The following TSKS variants were observed in gnomAD, a reference collection of about 807,000 sequenced individuals.
The protein encoded by TSKS is testis specific serine kinase substrate.
TSKS carries 27 observed loss-of-function variants against 68.0 expected under a neutral mutation model. The observed-to-expected ratio is 0.40, with a 90% confidence interval of 0.29 to 0.55. TSKS has a LOEUF of 0.55. TSKS is among the 20% of genes least tolerant of loss of function. The probability of loss-of-function intolerance (pLI) is 0.53; values close to 1 mark genes in which losing one functional copy is unlikely to be tolerated. For synonymous variants in TSKS, 331 were observed against 340.4 expected, an observed-to-expected ratio of 0.97 and a Z score of 0.30; for missense variants, 806 against 776.0, an observed-to-expected ratio of 1.04 and a Z score of -0.46.
intron 2 of TSKS, among the ~76,000 whole-genome samples, chr19:49,760,959 A>T (rs1447385462): frequency 6.6e-6 from 1 of 151,462 alleles, no homozygotes; most frequent in Non-Finnish European, 1.5e-5. Flanking sequence ...GTGGTGGCAC[A>T]TGCCTGTAGT....
intron 1 of TSKS, 114 bp downstream of exon 1, chr19:49,762,964 C>G: frequency 7.2e-7 from 1 of 1,388,804 alleles, no homozygotes; most frequent in Non-Finnish European, 9.7e-7. Context: ...TTCCTGCCCC[C>G]GACCTGCTGG....
chr19:49,758,459 C>G (rs2084411440), intron 2 of TSKS, among the ~76,000 whole-genome samples: 1 of 152,236 alleles, frequency 6.6e-6, no homozygotes, highest in Admixed American at 6.5e-5. Context: ...GGTACTTTCT[C>G]AGGCTTCACG....
intron 2 of TSKS, among the ~76,000 whole-genome samples, chr19:49,759,218 C>T (rs961985814): frequency 6.6e-6 from 1 of 151,318 alleles, no homozygotes; most frequent in Admixed American, 6.6e-5. Context: ...TGCCTGTAAT[C>T]CCAGCAGTTT....
At chr19:49,745,890 G>A (rs1217938885) in intron 6 of TSKS, among the ~76,000 whole-genome samples, 1 of 152,028 alleles carries the variant, frequency 6.6e-6, no homozygotes, top group Admixed American at 6.6e-5. Flanking sequence ...GTCGCCTTCC[G>A]GTTAAGATCT....
Position 49,754,631 on chromosome 19 carries a change from G to A in TSKS, c.400-6162C>T, listed in dbSNP as rs147841490. On this transcript the variant is annotated intron_variant, in intron 2 of 10. Coordinates refer to ENST00000246801, the MANE Select transcript of TSKS (RefSeq NM_021733.2). ...AGAAACTGTTCAGGGGTAGGATGGC[G>A]GGGGCAGATTTGGACTTACTAGGCA... 2.0e-4 allele frequency among the ~76,000 whole-genome samples: 30 copies of A among 152,242 alleles called. No homozygotes were observed. In the East Asian group the frequency reaches 5.6e-3, roughly 28 times the overall value.
At chr19:49,756,776 C>G (rs1600199367) in intron 2 of TSKS, among the ~76,000 whole-genome samples, 1 of 152,236 alleles carries the variant, frequency 6.6e-6, no homozygotes, top group East Asian at 1.9e-4. Context: ...TAGAATAAGG[C>G]AGGCTAGTTG....
chr19:49,757,993 C>T (rs1347749631), intron 2 of TSKS, among the ~76,000 whole-genome samples: 6 of 151,090 alleles, frequency 4.0e-5, no homozygotes, highest in Admixed American at 3.3e-4. Context: ...CGAGTTCAAG[C>T]GATTCTCCTG....
At chr19:49,754,535 C>CA (rs1430973076) in intron 2 of TSKS, among the ~76,000 whole-genome samples, 1 of 151,426 alleles carries the variant, frequency 6.6e-6, no homozygotes, top group Non-Finnish European at 1.5e-5. Flanking sequence ...CAGTTTTCAA[C>CA]AAAAAAGTTA....
chr19:49,754,476 G>A (rs2084377615), intron 2 of TSKS, among the ~76,000 whole-genome samples: 1 of 151,482 alleles, frequency 6.6e-6, no homozygotes, highest in Admixed American at 6.6e-5. Context: ...TCAAGCCCGG[G>A]TGATAGAGTG....
rs1158188172 is a variant in TSKS at position 49,748,184 on chromosome 19, A to T, written c.496-16T>A. On this transcript the variant is annotated splice_polypyrimidine_tract_variant and intron_variant, in intron 3 of 10. Transcript: ENST00000246801. The stretch of plus-strand genomic sequence containing the variant: ...AACACTCGCTCTGGAGCATGGAAGG[A>T]GGAGAGGTTAGCCAAGGACACGAGG... 1.2e-6 allele frequency: 2 copies of T among 1,613,914 alleles called. No individual in the cohort carries two copies. The highest frequency in any genetic ancestry group is 1.3e-5 in the African/African-American group (1 of 75,038).
chr19:49,746,656 G>C lies in TSKS; in HGVS notation c.806C>G (p.Ser269Cys), dbSNP rs752995653. 65 of 1,607,140 alleles carry C rather than the reference G, an allele frequency of 4.0e-5. No individual in the cohort carries two copies. Among genetic ancestry groups the C allele is most frequent in the Admixed American group, 8.3e-5 (5 of 59,924 alleles). ...GGCGGCGGGGCCCAGGCTGTTCCAG[G>C]AGAGGCCAGCCTCCGGCTTCTGCTT... The part of the protein sequence containing the change: ...EEKQKPEAGL[S>C]WNSLGPAATS... Residue 269 changes from serine (S) to cysteine (C), a missense_variant, in exon 6 of 11, where the codon TCC (serine) becomes TGC (cysteine). Physicochemically the swap from Ser to Cys is moderately radical, Grantham distance 112. Coordinates refer to ENST00000246801, the MANE Select transcript of TSKS (RefSeq NM_021733.2).
At chr19:49,745,149 T>C (rs1259757217) in intron 7 of TSKS, 53 bp downstream of exon 7, 1 of 1,480,546 alleles carries the variant, frequency 6.8e-7, no homozygotes, top group Non-Finnish European at 9.0e-7. Context: ...CGCCCTCAGG[T>C]TGGGATTGCC....
chr19:49,752,872 T>G (rs978300812), intron 2 of TSKS, among the ~76,000 whole-genome samples: 1 of 152,156 alleles, frequency 6.6e-6, no homozygotes, highest in Non-Finnish European at 1.5e-5. Flanking sequence ...TGGCTGACCT[T>G]GAAACCTTGA....
chr19:49,748,086 T>C lies in TSKS; in HGVS notation c.578A>G (p.Lys193Arg), dbSNP rs2084317865. Residue 193 changes from lysine (K) to arginine (R), a missense_variant and splice_region_variant, in exon 4 of 11, where the codon AAG (lysine) becomes AGG (arginine). By Grantham distance (26) the Lys-to-Arg change is conservative. Transcript: ENST00000246801. ...EELEGYCIQL[K>R]ENCWKVTRSV... is the part of the protein sequence containing the mutation. ...CATTCCTGCGTCCCACTGGCTCACC[T>C]TGAGTTGAATGCAGTACCCCTCCAA... 2 of 1,613,996 alleles carry C rather than the reference T, an allele frequency of 1.2e-6. No individual in the cohort carries two copies. The highest frequency in any genetic ancestry group is 1.7e-6 in the Non-Finnish European group (2 of 1,179,906).
chr19:49,740,903 G>C (rs1202769347), intron 9 of TSKS, among the ~76,000 whole-genome samples: 2 of 148,082 alleles, frequency 1.4e-5, no homozygotes, highest in Non-Finnish European at 3.0e-5. Flanking sequence ...AAAAGGCCGG[G>C]CGCAGTGGCT....
intron 2 of TSKS, 39 bp downstream of exon 2, chr19:49,761,961 AGGAC>A (rs770960255): frequency 6.6e-7 from 1 of 1,523,700 alleles, no homozygotes; most frequent in Non-Finnish European, 9.0e-7. Context: ...CACCTTGTGG[AGGAC>A]CTCGGTCCTC....
intron 1 of TSKS, 97 bp from the exon 2 acceptor site, chr19:49,762,329 AC>A: frequency 1.2e-6 from 1 of 832,948 alleles, no homozygotes; most frequent in East Asian, 2.7e-5. Context: ...CTGTGACTCC[AC>A]CCTCACTGTA....
intron 7 of TSKS, 43 bp from the exon 8 acceptor site, chr19:49,744,447 G>A: frequency 1.9e-6 from 3 of 1,583,224 alleles, no homozygotes; most frequent in African/African-American, 1.3e-5. Context: ...TCTCTTCAGC[G>A]GTATAACCCT....
rs1360986320 is a variant in TSKS, at chr19:49,740,115, G to A, written c.1566C>T (p.Ala522=). ...TCTTGGCCCGCAGGGCCTCGTCTTG[G>A]GCCAGCCGAAGGGTGGAGCTCAGGG... ...AEALSSTLRL[A]QDEALRAKNL... Residue 522 remains alanine, a synonymous_variant, in exon 10 of 11, where the codon GCC becomes GCT. Coordinates refer to ENST00000246801, the MANE Select transcript of TSKS (RefSeq NM_021733.2). 1 of 1,614,158 alleles carries A rather than the reference G, an allele frequency of 6.2e-7. No homozygotes were observed. The highest frequency in any genetic ancestry group is 8.5e-7 in the Non-Finnish European group (1 of 1,180,036).
Sources: allele counts gnomAD v4.1 joint callset (sites outside exome capture counted in the v4.1 genomes callset), GRCh38; gene constraint gnomAD v4.1.1; transcripts MANE v1.5; gene names NCBI Gene and HGNC (gene_info 2026-07-23, HGNC 2026-07-21).